Variants in GCSAM observed in about 807,000 individuals in gnomAD.
GCSAM encodes the protein germinal center-associated signaling and motility protein.
GCSAM carries 8 observed loss-of-function variants against 17.6 expected under a neutral mutation model. The ratio of observed to expected loss-of-function variants is 0.46; its 90% CI spans 0.27 to 0.82. The LOEUF (loss-of-function observed/expected upper bound fraction) is 0.82. Ranked by LOEUF, GCSAM falls within the 40% of genes least tolerant of loss-of-function variation. GCSAM has a pLI of 0.15. For synonymous variants in GCSAM, 68 were observed against 69.0 expected, an observed-to-expected ratio of 0.98 and a Z score of 0.07; for missense variants, 192 against 213.5, an observed-to-expected ratio of 0.90 and a Z score of 0.63.
Position 112,123,530 on chromosome 3 carries a change from G to A in GCSAM, c.462C>T (p.His154=), listed in dbSNP as rs756370127. 2.7e-5 allele frequency: 43 copies of A among 1,614,090 alleles called. No individual in the cohort carries two copies. In the Admixed American group the frequency reaches 5.3e-4, roughly 20 times the overall value. ...GTTGCAGAAAGTGAGAGGAGATTCT[G>A]TGAGGCATGAGAAGTTCATATTCAT... ...PEDEYELLMP[H]RISSHFLQQP... Residue 154 remains histidine (H), a synonymous_variant, in exon 6 of 6, where the codon CAC becomes CAT. Coordinates refer to ENST00000308910, the MANE Select transcript of GCSAM (RefSeq NM_152785.5).
intron 2 of GCSAM, chr3:112,129,138 A>G (rs1492483): frequency 0.4 from 60,298 of 152,012 alleles, 11,999 homozygotes; most frequent in South Asian, 0.45. Context: ...TGTGCTTCAG[A>G]CCGTTTGCTT....
intron 2 of GCSAM, 177 bp from the exon 3 acceptor site, chr3:112,128,238 AGAT>A (rs2107808732): frequency 1.4e-6 from 1 of 705,414 alleles, no homozygotes. Context: ...CCTAGGATGA[AGAT>A]GATACTATCA....
At chr3:112,126,303 A>G (rs1050722604) in intron 4 of GCSAM, among the ~76,000 whole-genome samples, 1 of 152,204 alleles carries the variant, frequency 6.6e-6, no homozygotes, top group Non-Finnish European at 1.5e-5. Flanking sequence ...TAAGGAAGGA[A>G]AAGTCAAAAC....
At chr3:112,128,106 C>A in intron 2 of GCSAM, 45 bp from the exon 3 acceptor site, 1 of 1,573,600 alleles carries the variant, frequency 6.4e-7, no homozygotes, top group Non-Finnish European at 8.7e-7. Flanking sequence ...TTGATTTCTG[C>A]AGCTTTGTTA....
chr3:112,123,934 C>A (rs979593367), intron 5 of GCSAM, among the ~76,000 whole-genome samples, 162 bp from the exon 6 acceptor site: 3 of 152,164 alleles, frequency 2.0e-5, no homozygotes, highest in Admixed American at 6.5e-5. Flanking sequence ...CTACCCCAAC[C>A]ACTAGGCTAG....
chr3:112,130,042 T>C (rs1290275666), intron 2 of GCSAM: 1 of 174,986 alleles, frequency 5.7e-6, no homozygotes, highest in East Asian at 1.4e-4. Context: ...ACAAACTTTC[T>C]AAAAATTGTC....
chr3:112,128,319 A>C, intron 2 of GCSAM: 1 of 633,002 alleles, frequency 1.6e-6, no homozygotes. Context: ...CTCACTCTCA[A>C]TTCTGGTAAT....
Position 112,123,253 on chromosome 3 carries a change from T to G in GCSAM, c.*202A>C, listed in dbSNP as rs2074233838. ...ATGGTTACCTCTTTCTCAAATGGTGTTGTTCAGGATAAATGGTTGATCTTT... is the reference window on the plus strand; with the variant it reads ...ATGGTTACCTCTTTCTCAAATGGTGGTGTTCAGGATAAATGGTTGATCTTT... On this transcript the variant is annotated 3_prime_UTR_variant, in exon 6 of 6. Transcript: ENST00000308910. 3 of 923,184 alleles carry G rather than the reference T, an allele frequency of 3.2e-6. No homozygotes were observed. Among genetic ancestry groups the G allele is most frequent in the Non-Finnish European group, 4.7e-6 (3 of 635,926 alleles). The allele number at this position is 923,184 out of a possible 1,614,324, so 57.2% of individuals were successfully genotyped here.
Position 112,123,572 on chromosome 3 carries a change from A to T in GCSAM, c.420T>A (p.His140Gln). Residue 140 changes from histidine to glutamine, a missense_variant, in exon 6 of 6, where the codon CAT becomes CAA. Transcript: ENST00000308910. ...CATATTCATCTTCTGGGGATCGGGC[A>T]TGCCTGGGGTCTGTAGAAGGCATAT... ...LLHMPSTDPR[H>Q]ARSPEDEYEL... 6.2e-7 allele frequency: 1 copy of T among 1,614,196 alleles called. No homozygotes were observed. Among genetic ancestry groups the T allele is most frequent in the South Asian group, 1.1e-5 (1 of 91,080 alleles).
Position 112,132,222 on chromosome 3 carries a change from C to G in GCSAM, c.29+870G>C, listed in dbSNP as rs143608238. On this transcript the variant is annotated intron_variant, in intron 1 of 5. Transcript: ENST00000308910. ...GACATGAGATATTCCACAGGACCAC[C>G]AATCCTCTTTTCGGCAAGTGGTCAA... is the stretch of plus-strand genomic sequence containing the variant. Among the ~76,000 whole-genome samples, 532 of 152,220 alleles carry G rather than the reference C, an allele frequency of 3.5e-3. 13 individuals carry two copies. Among genetic ancestry groups the G allele is most frequent in the Admixed American group, 0.026 (395 of 15,298 alleles).
At chr3:112,132,592 A>T in intron 1 of GCSAM, 2 of 943,552 alleles carry the variant, frequency 2.1e-6, no homozygotes, top group South Asian at 9.8e-5. Context: ...TCCAGAAAGT[A>T]AATCTGAGTT....
chr3:112,130,630 C>G, intron 1 of GCSAM, 117 bp from the exon 2 acceptor site: 1 of 887,272 alleles, frequency 1.1e-6, no homozygotes, highest in Non-Finnish European at 1.9e-6. Flanking sequence ...CAGAAATTGA[C>G]TGGTTGCCCT....
rs1266854796 is a variant in GCSAM, at chr3:112,127,021, G to T, written c.156C>A (p.Leu52=). 6.3e-7 allele frequency: 1 copy of T among 1,584,814 alleles called. No individual in the cohort carries two copies. The highest frequency in any genetic ancestry group is 8.6e-7 in the Non-Finnish European group (1 of 1,156,858). The stretch of plus-strand genomic sequence containing the variant: ...GGGAATCTTGCCTCTTTTCAAAAAT[G>T]AGTATTTTTTTCCTGTAAAAGAAAA... The part of the protein sequence containing the change: ...GCFCLPWKKI[L]IFEKRQDSQN... Residue 52 remains leucine, a synonymous_variant, in exon 4 of 6, where the codon CTC becomes CTA. Coordinates refer to ENST00000308910, the MANE Select transcript of GCSAM (RefSeq NM_152785.5).
chr3:112,124,553 A>C (rs2074267210), intron 5 of GCSAM, among the ~76,000 whole-genome samples: 1 of 152,192 alleles, frequency 6.6e-6, no homozygotes, highest in Admixed American at 6.5e-5. Context: ...GGTTGCAGTG[A>C]GCTGAGATCG....
rs746734835 is a variant in GCSAM at position 112,123,735 on chromosome 3, T to TA, written c.256dup (p.Tyr86LeufsTer19). ...GAGAACCCGATGATTGATGAGGGTA[T>TA]AGCACAGCTCCTCTGAGTAGGTCTG... On this transcript the variant is annotated frameshift_variant, in exon 6 of 6. Coordinates refer to ENST00000308910, the MANE Select transcript of GCSAM (RefSeq NM_152785.5). LOFTEE classifies it low-confidence loss of function (END_TRUNC). 3 of 1,613,916 alleles carry TA rather than the reference T, an allele frequency of 1.9e-6. No individual in the cohort carries two copies. Among genetic ancestry groups the TA allele is most frequent in the Non-Finnish European group, 2.5e-6 (3 of 1,179,912 alleles).
chr3:112,127,097 G>C (rs1349035470), intron 3 of GCSAM, 64 bp from the exon 4 acceptor site: 2 of 1,077,984 alleles, frequency 1.9e-6, no homozygotes, highest in Non-Finnish European at 2.8e-6. Flanking sequence ...AATGACACAA[G>C]CCTACAAAAC....
Position 112,123,203 on chromosome 3 carries a change from C to T in GCSAM, c.*252G>A. The T allele has an allele frequency of 1.0e-5, 6 of 589,406 alleles. No homozygotes were observed. In the South Asian group the frequency reaches 1.1e-4, roughly 10 times the overall value. The allele number at this position is 589,406 out of a possible 1,614,324, so 36.5% of individuals were successfully genotyped here. On this transcript the variant is annotated 3_prime_UTR_variant, in exon 6 of 6. Transcript: ENST00000308910. ...TCAGGGAGCCCCTCCTACCACTATA[C>T]TCTCCAAACCATGTAGAACCAAAGA...
intron 2 of GCSAM, 46 bp downstream of exon 2, chr3:112,130,399 C>T (rs780261537): frequency 1.1e-5 from 17 of 1,509,156 alleles, no homozygotes; most frequent in Non-Finnish European, 1.5e-5. Flanking sequence ...ATACTTCGTT[C>T]TCCTTGGGCA....
intron 3 of GCSAM, 26 bp downstream of exon 3, chr3:112,127,991 A>G: frequency 6.2e-7 from 1 of 1,603,692 alleles, no homozygotes; most frequent in East Asian, 2.2e-5. Flanking sequence ...TAGGGAAATA[A>G]CTCCTAAAAA....
Sources: gnomAD v4.1 joint callset for allele counts (sites outside exome capture counted in the v4.1 genomes callset) on GRCh38, gnomAD v4.1.1 for gene constraint, MANE v1.5 for transcripts, NCBI Gene and HGNC (gene_info 2026-07-23, HGNC 2026-07-21) for gene names.